The following FAM135B variants were observed in gnomAD, a reference collection of about 807,000 sequenced individuals.
The protein encoded by FAM135B is protein FAM135B.
A neutral mutation model predicts 127.7 loss-of-function variants in FAM135B; 43 were observed. The observed-to-expected ratio is 0.34, with a 90% CI of 0.26 to 0.43. The LOEUF is 0.43. FAM135B is among the 20% of genes least tolerant of loss of function. FAM135B has a pLI of 1.00. For synonymous variants in FAM135B, 670 were observed against 665.1 expected (o/e 1.01, Z -0.11); for missense variants, 1,558 against 1,725.6 (o/e 0.90, Z 1.72).
intron 2 of FAM135B, among the ~76,000 whole-genome samples, chr8:138,363,986 C>T (rs1221944445): frequency 6.6e-6 from 1 of 152,122 alleles, no homozygotes; most frequent in Non-Finnish European, 1.5e-5. Flanking sequence ...GTAGAGCACA[C>T]ATTTAATCAC....
intron 7 of FAM135B, among the ~76,000 whole-genome samples, chr8:138,215,076 T>C (rs1818444007): frequency 6.6e-6 from 1 of 152,082 alleles, no homozygotes; most frequent in African/African-American, 2.4e-5. Flanking sequence ...ACAACACAGA[T>C]TTTTCAAAAA....
chr8:138,270,521 C>A (rs781166708), intron 3 of FAM135B, among the ~76,000 whole-genome samples: 1 of 152,240 alleles, frequency 6.6e-6, no homozygotes, highest in Admixed American at 6.5e-5. Flanking sequence ...TCTTGGTTCA[C>A]TGTGTGCTGC....
At chr8:138,307,542 C>T (rs3914227) in intron 3 of FAM135B, among the ~76,000 whole-genome samples, 151,542 of 152,278 alleles carry the variant, frequency 1, 75,408 homozygotes, top group Middle Eastern at 1. Flanking sequence ...GTTGGTTCCA[C>T]CTGCAAGCTT....
At chr8:138,213,674 T>C (rs1383334257) in intron 7 of FAM135B, among the ~76,000 whole-genome samples, 1 of 152,096 alleles carries the variant, frequency 6.6e-6, no homozygotes, top group East Asian at 1.9e-4. Flanking sequence ...AAGAGAAGGA[T>C]GGATTTAAAC....
intron 1 of FAM135B, among the ~76,000 whole-genome samples, chr8:138,487,018 C>G (rs112013532): frequency 2.6e-5 from 4 of 151,674 alleles, no homozygotes; most frequent in African/African-American, 9.7e-5. Flanking sequence ...CACAACGTGC[C>G]GGTTTGTTAC....
intron 7 of FAM135B, among the ~76,000 whole-genome samples, chr8:138,238,650 G>A (rs960933308): frequency 3.5e-4 from 53 of 152,264 alleles, no homozygotes; most frequent in African/African-American, 1.1e-3. Context: ...TATTTTGAAG[G>A]GAACACCTGT....
At chr8:138,228,923 T>C (rs781402418) in intron 7 of FAM135B, among the ~76,000 whole-genome samples, 2 of 152,142 alleles carry the variant, frequency 1.3e-5, no homozygotes, top group Non-Finnish European at 1.5e-5. Context: ...ATCCAGTAAA[T>C]AGGTATGAAG....
At chr8:138,226,184 T>TGTGTGTGTGTGTGCGTGCGCGCGCGC in intron 7 of FAM135B, among the ~76,000 whole-genome samples, 1 of 139,202 alleles carries the variant, frequency 7.2e-6, no homozygotes, top group Non-Finnish European at 1.5e-5. Context: ...TGTGTGTGTG[T>TGTGTGTGTGTGTGCGTGCGCGCGCGC]GCGCGCATGT....
At chr8:138,478,920 A>T (rs1814644109) in intron 1 of FAM135B, among the ~76,000 whole-genome samples, 1 of 152,056 alleles carries the variant, frequency 6.6e-6, no homozygotes. Flanking sequence ...AAGGGCTCAG[A>T]CCCTTAACTT....
At chr8:138,268,752 G>C (rs1312157656) in intron 3 of FAM135B, among the ~76,000 whole-genome samples, 1 of 152,204 alleles carries the variant, frequency 6.6e-6, no homozygotes, top group Non-Finnish European at 1.5e-5. Flanking sequence ...TGGGATGGCA[G>C]TCTTTCCTAG....
chr8:138,386,138 C>T (rs1373953512), intron 1 of FAM135B, among the ~76,000 whole-genome samples: 2 of 151,840 alleles, frequency 1.3e-5, no homozygotes, highest in Non-Finnish European at 1.5e-5. Context: ...ATCACTTGAA[C>T]CTGGAAGGTA....
chr8:138,220,061 T>TCACACA (rs3221962), intron 7 of FAM135B, among the ~76,000 whole-genome samples: 6,004 of 146,408 alleles, frequency 0.041, 172 homozygotes, highest in East Asian at 0.097. Context: ...TTGCCTAAAA[T>TCACACA]CACACACACA....
At position 138,274,287 on chromosome 8, in the gene FAM135B, G is replaced by C. The variant is rs529786412; in HGVS notation, c.158-8445C>G. Among the ~76,000 whole-genome samples, 12 of 152,294 alleles carry C rather than the reference G, an allele frequency of 7.9e-5. No homozygotes were observed. In the East Asian group the frequency reaches 1.2e-3, roughly 15 times the overall value. Reference sequence around the variant, plus strand: ...AGAGAAATTTTAAAGCTGGGCATCTGGGGGAGACATCACATGTCAGTAGGT... The same window carrying C: ...AGAGAAATTTTAAAGCTGGGCATCTCGGGGAGACATCACATGTCAGTAGGT... On this transcript the variant is annotated intron_variant, in intron 3 of 19. Transcript: ENST00000395297.
chr8:138,369,736 G>A (rs938366173), intron 1 of FAM135B, among the ~76,000 whole-genome samples: 4 of 152,128 alleles, frequency 2.6e-5, no homozygotes, highest in Non-Finnish European at 5.9e-5. Context: ...AAGCCGGATG[G>A]AGGGGCAAGC....
intron 11 of FAM135B, among the ~76,000 whole-genome samples, chr8:138,174,249 A>C (rs951137905): frequency 2.0e-4 from 31 of 152,188 alleles, no homozygotes; most frequent in African/African-American, 7.0e-4. Flanking sequence ...CTCGAACAAG[A>C]TGGGTCTTGA....
intron 19 of FAM135B, among the ~76,000 whole-genome samples, chr8:138,135,695 C>T (rs186311504): frequency 1.3e-5 from 2 of 152,112 alleles, no homozygotes; most frequent in Admixed American, 6.5e-5. Flanking sequence ...TAATGAAATA[C>T]CATAGATGTA....
At chr8:138,316,953 C>T (rs1827147624) in intron 2 of FAM135B, among the ~76,000 whole-genome samples, 1 of 150,666 alleles carries the variant, frequency 6.6e-6, no homozygotes, top group African/African-American at 2.5e-5. Flanking sequence ...GCACTCTAGC[C>T]TGGGGGACAG....
chr8:138,296,833 T>C (rs1825513359), intron 3 of FAM135B, among the ~76,000 whole-genome samples: 1 of 152,210 alleles, frequency 6.6e-6, no homozygotes, highest in Admixed American at 6.5e-5. Context: ...AAATTGATTT[T>C]TTTAATAAAA....
intron 3 of FAM135B, among the ~76,000 whole-genome samples, chr8:138,307,536 G>T (rs1022257925): frequency 6.6e-6 from 1 of 152,050 alleles, no homozygotes; most frequent in East Asian, 1.9e-4. Flanking sequence ...ACTTCTGTTG[G>T]TTCCACCTGC....
Sources: gnomAD v4.1 joint callset for allele counts (sites outside exome capture counted in the v4.1 genomes callset) on GRCh38, gnomAD v4.1.1 for gene constraint, MANE v1.5 for transcripts, NCBI Gene and HGNC (gene_info 2026-07-23, HGNC 2026-07-21) for gene names.